Variants in PRDM15 observed in about 807,000 individuals in gnomAD.
The protein encoded by PRDM15 is PR domain zinc finger protein 15.
Under a neutral mutation model 128.6 loss-of-function variants are expected in PRDM15, and 64 were observed. The ratio of observed to expected loss-of-function variants is 0.50; its 90% CI spans 0.41 to 0.61. The LOEUF (loss-of-function observed/expected upper bound fraction) is 0.61, where lower values mean the gene tolerates loss of function less well. Among genes scored for constraint, PRDM15 ranks in the 20% least tolerant of loss-of-function variants. PRDM15 has a pLI of 0.00. For missense variants in PRDM15, 1,242 were observed against 1,569.1 expected (o/e 0.79, Z 3.52); for synonymous variants, 615 against 621.8 (o/e 0.99, Z 0.16).
At chr21:41,826,580 C>G (rs1451781465) in intron 12 of PRDM15, among the ~76,000 whole-genome samples, 9 of 152,118 alleles carry the variant, frequency 5.9e-5, no homozygotes, top group African/African-American at 1.9e-4. Context: ...AAATTGGGAT[C>G]AAGACAGACT....
rs550675467 is a variant in PRDM15, at chr21:41,810,276, T to C, written c.2530A>G (p.Met844Val). 3 of 1,613,636 alleles carry C rather than the reference T, an allele frequency of 1.9e-6. No individual in the cohort carries two copies. The highest frequency in any genetic ancestry group is 2.2e-5 in the East Asian group (1 of 44,878). ...VCDKKYVTEY[M>V]LQKHVQLTHD... ...GTGAGCTGAACGTGCTTCTGCAGCA[T>C]GTACTCGGTCACGTACTTCTTGTCG... Residue 844 changes from methionine (M) to valine (V), a missense_variant, in exon 21 of 24, where the codon ATG (methionine) becomes GTG (valine). This residue lies in a region of PRDM15 where 602 missense variants were observed against 788.3 expected (regional missense o/e 0.76). Coordinates refer to ENST00000398548, the MANE Select transcript of PRDM15 (RefSeq NM_001040424.3). This position sits in a 1 kb window ranked among gnomAD's most constrained non-coding sequence, Gnocchi z 6.4.
intron 11 of PRDM15, among the ~76,000 whole-genome samples, chr21:41,835,064 T>TCA (rs1302529629): frequency 6.6e-6 from 1 of 152,154 alleles, no homozygotes; most frequent in East Asian, 1.9e-4. Context: ...CGAGGAGCGC[T>TCA]CACACTCCTC....
chr21:41,865,919 A>AT (rs1569015939), intron 1 of PRDM15, among the ~76,000 whole-genome samples: 2 of 151,880 alleles, frequency 1.3e-5, no homozygotes, highest in African/African-American at 4.8e-5. Context: ...TAATTTTTTA[A>AT]TTTTTTGTAG....
At chr21:41,841,170 T>C (rs2063063222) in intron 6 of PRDM15, among the ~76,000 whole-genome samples, 1 of 152,164 alleles carries the variant, frequency 6.6e-6, no homozygotes, top group Admixed American at 6.5e-5. Flanking sequence ...AGATTCAAGA[T>C]CTGTAACAGG....
At chr21:41,871,720 T>TA in intron 1 of PRDM15, 4 of 1,342,460 alleles carry the variant, frequency 3.0e-6, no homozygotes, top group African/African-American at 1.5e-5. Context: ...GGTCCTCTGT[T>TA]GTTACCACTG....
chr21:41,817,504 G>C (rs1239541677), intron 18 of PRDM15, among the ~76,000 whole-genome samples: 1 of 152,106 alleles, frequency 6.6e-6, no homozygotes, highest in Non-Finnish European at 1.5e-5. Flanking sequence ...GTCAGGGCTA[G>C]AATTTCTGGA....
intron 5 of PRDM15, among the ~76,000 whole-genome samples, chr21:41,850,903 C>T (rs1244546478): frequency 6.6e-6 from 1 of 152,226 alleles, no homozygotes; most frequent in Non-Finnish European, 1.5e-5. Context: ...CTGATTTCTA[C>T]ACGAAGATGC....
At position 41,862,140 on chromosome 21, in the gene PRDM15, A is replaced by G; in HGVS notation, c.-9-1768T>C. ...GGTGGGGAGGGCGCACGCTTTCATG[A>G]GTTGCTGCTGTGCTACTGGAGGTGT... On this transcript the variant is annotated intron_variant, in intron 1 of 23. Coordinates refer to ENST00000398548, the MANE Select transcript of PRDM15 (RefSeq NM_001040424.3). The surrounding 1 kb of genome is among the most constrained non-coding windows in gnomAD (Gnocchi z 4.1). The G allele has an allele frequency of 1.5e-6, 1 of 682,924 alleles. No individual in the cohort carries two copies. 42.3% of individuals were successfully genotyped at this position (682,924 alleles called of 1,614,324 possible).
rs2061364753 is a variant in PRDM15, at chr21:41,799,292, A to G, written c.*1948T>C. 6.6e-6 allele frequency: 1 copy of G among 152,220 alleles called. No individual in the cohort carries two copies. The highest frequency in any genetic ancestry group is 6.5e-5 in the Admixed American group (1 of 15,280). The allele number at this position is 152,220 out of a possible 1,614,324, so 9.4% of individuals were successfully genotyped here. ...CTGATTTTTAAAAATATATCTTAGG[A>G]GCCCTGGTCTCCTGCTGATTCCATG... is the stretch of plus-strand genomic sequence containing the variant. On this transcript the variant is annotated 3_prime_UTR_variant, in exon 24 of 24. Transcript: ENST00000398548.
intron 21 of PRDM15, 65 bp from the exon 22 acceptor site, chr21:41,804,679 G>T: frequency 7.8e-7 from 1 of 1,283,148 alleles, no homozygotes; most frequent in Non-Finnish European, 1.1e-6. Context: ...GAACCCAGAA[G>T]CCACACACGC....
rs2061835823 is a variant in PRDM15, at chr21:41,810,668, G to T, written c.2476+85C>A. ...CTGGAACCGTCTAGATAATAGAATA[G>T]TCGTTTCCACCCCAGCAGGCACTCA... On this transcript the variant is annotated intron_variant, in intron 20 of 23. Coordinates refer to ENST00000398548, the MANE Select transcript of PRDM15 (RefSeq NM_001040424.3). This position sits in a 1 kb window ranked among gnomAD's most constrained non-coding sequence, Gnocchi z 6.4. 9.4e-7 allele frequency: 1 copy of T among 1,065,980 alleles called. No homozygotes were observed. Among genetic ancestry groups the T allele is most frequent in the Non-Finnish European group, 1.5e-6 (1 of 688,812 alleles). The allele number at this position is 1,065,980 out of a possible 1,614,324, so 66.0% of individuals were successfully genotyped here.
rs1287413325 is a variant in PRDM15, at chr21:41,854,248, GGTGCGCGAGA to G, written c.538+308_538+317del. On this transcript the variant is annotated intron_variant, in intron 5 of 23. Coordinates refer to ENST00000398548, the MANE Select transcript of PRDM15 (RefSeq NM_001040424.3). The surrounding 1 kb of genome is among the most constrained non-coding windows in gnomAD (Gnocchi z 4.6). Reference sequence around the variant, plus strand: ...GGTGTGTAGCAGGCCAGGCCATCAAGGTGCGCGAGAGTGCGCTCTACCATGCACTCATGAC... The same window carrying G: ...GGTGTGTAGCAGGCCAGGCCATCAAGGTGCGCTCTACCATGCACTCATGAC... Among the ~76,000 whole-genome samples the G allele has an allele frequency of 1.7e-4, 26 of 152,284 alleles. No homozygotes were observed. Among genetic ancestry groups the G allele is most frequent in the Middle Eastern group, 3.4e-3 (1 of 294 alleles).
intron 23 of PRDM15, 27 bp downstream of exon 23, chr21:41,802,684 TA>T (rs771000344): frequency 1.1e-5 from 17 of 1,598,764 alleles, no homozygotes; most frequent in Non-Finnish European, 8.6e-7. Context: ...GACCGGCACC[TA>T]ATCAGAACAT....
At chr21:41,878,714 A>G in intron 1 of PRDM15, 1 of 1,554,874 alleles carries the variant, frequency 6.4e-7, no homozygotes, top group South Asian at 1.1e-5. Flanking sequence ...GCTTCTCTAA[A>G]CGCGGGGTTG....
intron 18 of PRDM15, 21 bp from the exon 19 acceptor site, chr21:41,815,857 AG>A: frequency 6.2e-7 from 1 of 1,610,668 alleles, no homozygotes; most frequent in Non-Finnish European, 8.5e-7. Flanking sequence ...ACAGCGAGTC[AG>A]AGGCGGCCAC....
intron 1 of PRDM15, chr21:41,871,936 C>T (rs886404214): frequency 1.7e-5 from 4 of 230,032 alleles, no homozygotes; most frequent in Admixed American, 5.4e-5. Context: ...GGCCCAGCCC[C>T]GCCCATCTGC....
intron 22 of PRDM15, among the ~76,000 whole-genome samples, chr21:41,804,081 A>G (rs2061492199): frequency 6.7e-6 from 1 of 150,146 alleles, no homozygotes; most frequent in South Asian, 2.1e-4. Context: ...CTCCTGCCTC[A>G]GCCTCCTGAG....
intron 21 of PRDM15, among the ~76,000 whole-genome samples, chr21:41,807,471 A>G (rs1332243547): frequency 6.6e-6 from 1 of 152,144 alleles, no homozygotes. Context: ...TCCCACTCTC[A>G]GACAGCCAGG....
At chr21:41,842,989 T>C (rs1359898908) in intron 6 of PRDM15, among the ~76,000 whole-genome samples, 2 of 152,058 alleles carry the variant, frequency 1.3e-5, no homozygotes, top group South Asian at 4.1e-4. Context: ...TTCACCATAA[T>C]GGCCAGGCTG....
Sources: allele counts gnomAD v4.1 joint callset (sites outside exome capture counted in the v4.1 genomes callset), GRCh38; gene constraint gnomAD v4.1.1; regional missense constraint gnomAD v4.1.1; non-coding constraint Gnocchi (gnomAD v3.1); transcripts MANE v1.5; gene names NCBI Gene and HGNC (gene_info 2026-07-23, HGNC 2026-07-21).